SLC24A2: variants seen among roughly 807,000 people sequenced by gnomAD.
SLC24A2 encodes the protein sodium/potassium/calcium exchanger 2.
Under a neutral mutation model 62.0 loss-of-function variants are expected in SLC24A2, and 36 were observed. The ratio of observed to expected loss-of-function variants is 0.58; its 90% CI spans 0.44 to 0.77. The LOEUF is 0.77. Ranked by LOEUF, SLC24A2 falls within the 30% of genes least tolerant of loss-of-function variation. The pLI is 0.00. For missense variants in SLC24A2, 846 were observed against 817.9 expected, an observed-to-expected ratio of 1.03 and a Z score of -0.42; for synonymous variants, 358 against 294.0, an observed-to-expected ratio of 1.22 and a Z score of -2.23.
At chr9:19,667,567 T>C (rs975712867) in intron 2 of SLC24A2, among the ~76,000 whole-genome samples, 1 of 152,158 alleles carries the variant, frequency 6.6e-6, no homozygotes, top group Non-Finnish European at 1.5e-5. Context: ...TTCTAGCCTC[T>C]AGTCTTGGAG....
chr9:20,086,032 T>A, the SLC24A2 span, among the ~76,000 whole-genome samples: 2 of 152,202 alleles, frequency 1.3e-5, no homozygotes, highest in African/African-American at 4.8e-5. Flanking sequence ...ACACTGCTTA[T>A]CTCCCATGTC....
At chr9:20,059,839 A>G in the SLC24A2 span, among the ~76,000 whole-genome samples, 520 of 152,192 alleles carry the variant, frequency 3.4e-3, 1 homozygote, top group African/African-American at 0.011. Flanking sequence ...GAGAAAAACA[A>G]TAGAGAAAAT....
the SLC24A2 span, among the ~76,000 whole-genome samples, chr9:20,034,689 C>T: frequency 2.6e-5 from 4 of 151,974 alleles, no homozygotes; most frequent in Non-Finnish European, 4.4e-5. Context: ...AGGATGGTCT[C>T]GATCTCCTGA....
chr9:19,610,051 G>A (rs1837105062), intron 4 of SLC24A2, among the ~76,000 whole-genome samples: 1 of 152,120 alleles, frequency 6.6e-6, no homozygotes, highest in Admixed American at 6.5e-5. Context: ...CCTGGGGGTT[G>A]GGGACCCCTG....
chr9:19,894,042 C>A, the SLC24A2 span, among the ~76,000 whole-genome samples: 1 of 152,156 alleles, frequency 6.6e-6, no homozygotes, highest in Non-Finnish European at 1.5e-5. Flanking sequence ...TGCCCAGCTG[C>A]AAGAGAGACT....
At chr9:19,858,696 T>C in the SLC24A2 span, among the ~76,000 whole-genome samples, 2 of 148,594 alleles carry the variant, frequency 1.3e-5, no homozygotes, top group African/African-American at 5.2e-5. Flanking sequence ...GCAAATGACA[T>C]GAACAGATAA....
the SLC24A2 span, among the ~76,000 whole-genome samples, chr9:20,219,248 C>T: frequency 2.9e-3 from 444 of 152,252 alleles, 1 homozygote; most frequent in African/African-American, 0.01. Flanking sequence ...TGAGGGAGGA[C>T]TCACTCCTAC....
In SLC24A2 at chr9:19,572,709, T is replaced by C. The variant is rs143701176; in HGVS notation, c.1347+642A>G. 1.1e-3 allele frequency among the ~76,000 whole-genome samples: 171 copies of C among 152,338 alleles called. 1 individual carries two copies. Among genetic ancestry groups the C allele is most frequent in the African/African-American group, 4.0e-3 (165 of 41,578 alleles). On this transcript the variant is annotated intron_variant, in intron 7 of 10. Transcript: ENST00000341998. ...CAGTGTGAAAATGGACTAATACCTA[T>C]GTAAAATGCCTAGTACCGAAGCTGT...
At chr9:19,666,610 G>A (rs909390437) in intron 2 of SLC24A2, among the ~76,000 whole-genome samples, 24 of 152,144 alleles carry the variant, frequency 1.6e-4, no homozygotes, top group African/African-American at 4.6e-4. Flanking sequence ...AGTTTAGAAA[G>A]CCCAGCAGTG....
chr9:19,937,950 T>G, the SLC24A2 span, among the ~76,000 whole-genome samples: 1 of 152,172 alleles, frequency 6.6e-6, no homozygotes, highest in Non-Finnish European at 1.5e-5. Flanking sequence ...AGCAATATGT[T>G]TATTAAAAAT....
chr9:19,673,764 G>A (rs1239070396), intron 2 of SLC24A2, among the ~76,000 whole-genome samples: 1 of 152,206 alleles, frequency 6.6e-6, no homozygotes, highest in Non-Finnish European at 1.5e-5. Flanking sequence ...GTTCTTATGT[G>A]TTAGGTGAGT....
intron 8 of SLC24A2, among the ~76,000 whole-genome samples, chr9:19,549,233 C>T (rs890396659): frequency 2.0e-5 from 3 of 152,238 alleles, no homozygotes; most frequent in South Asian, 2.1e-4. Context: ...CTTCCTGCTT[C>T]AGACCTTCAG....
chr9:20,069,684 T>G, the SLC24A2 span, among the ~76,000 whole-genome samples: 181 of 152,364 alleles, frequency 1.2e-3, no homozygotes, highest in Admixed American at 2.2e-3. Flanking sequence ...ACAGTTCAGT[T>G]GCCTTATGAT....
chr9:20,196,221 T>C, the SLC24A2 span, among the ~76,000 whole-genome samples: 1 of 152,316 alleles, frequency 6.6e-6, no homozygotes, highest in East Asian at 1.9e-4. Context: ...CTGAAATCCA[T>C]CTTTTTACAG....
chr9:20,288,517 C>T, the SLC24A2 span, among the ~76,000 whole-genome samples: 33 of 152,012 alleles, frequency 2.2e-4, no homozygotes, highest in Non-Finnish European at 2.9e-5. Context: ...GCCTGTAATC[C>T]CAACATCTTG....
chr9:19,893,842 G>A, the SLC24A2 span, among the ~76,000 whole-genome samples: 3 of 152,074 alleles, frequency 2.0e-5, no homozygotes, highest in Non-Finnish European at 2.9e-5. Context: ...TGCACCTCAT[G>A]TTTCTCTGCC....
At chr9:19,781,006 A>T (rs186859484) in intron 2 of SLC24A2, among the ~76,000 whole-genome samples, 4 of 152,286 alleles carry the variant, frequency 2.6e-5, no homozygotes, top group Admixed American at 2.6e-4. Flanking sequence ...AATAGAAAGT[A>T]TACAATAACA....
At chr9:20,109,818 C>G in the SLC24A2 span, among the ~76,000 whole-genome samples, 1 of 152,064 alleles carries the variant, frequency 6.6e-6, no homozygotes. Context: ...TCTAGAGGAA[C>G]CCAACACACA....
chr9:19,891,251 T>C, the SLC24A2 span, among the ~76,000 whole-genome samples: 3 of 152,176 alleles, frequency 2.0e-5, no homozygotes, highest in Admixed American at 6.5e-5. Context: ...CCACAGAAAA[T>C]ATTTTAGAGC....
Sources: gnomAD v4.1 joint callset for allele counts (sites outside exome capture counted in the v4.1 genomes callset) on GRCh38, gnomAD v4.1.1 for gene constraint, MANE v1.5 for transcripts, NCBI Gene and HGNC (gene_info 2026-07-23, HGNC 2026-07-21) for gene names.